The following PSMG2 variants were observed in gnomAD, a reference collection of about 807,000 sequenced individuals.
PSMG2 encodes the protein proteasome assembly chaperone 2.
PSMG2 carries 21 observed loss-of-function variants against 31.5 expected under a neutral mutation model. That is an observed-to-expected ratio of 0.67 (90% confidence interval 0.47 to 0.96). The LOEUF (loss-of-function observed/expected upper bound fraction) is 0.96, where lower values mean the gene tolerates loss of function less well. Ranked by LOEUF, PSMG2 falls within the 40% of genes least tolerant of loss-of-function variation. The pLI is 0.00. For synonymous variants in PSMG2, 120 were observed against 110.4 expected, an observed-to-expected ratio of 1.09 and a Z score of -0.54; for missense variants, 318 against 321.2, an observed-to-expected ratio of 0.99 and a Z score of 0.08.
intron 1 of PSMG2, among the ~76,000 whole-genome samples, chr18:12,695,548 G>A (rs1300340182): frequency 6.6e-6 from 1 of 151,948 alleles, no homozygotes; most frequent in Non-Finnish European, 1.5e-5. Context: ...TTAATTATAA[G>A]GAGATTATTT....
intron 6 of PSMG2, chr18:12,724,932 A>G (rs965085094): frequency 2.7e-6 from 1 of 368,656 alleles, no homozygotes; most frequent in African/African-American, 2.1e-5. Context: ...TGTGGAATTC[A>G]GGAATTTTTT....
intron 4 of PSMG2, among the ~76,000 whole-genome samples, chr18:12,720,307 G>A (rs926161198): frequency 1.3e-5 from 2 of 152,206 alleles, no homozygotes; most frequent in East Asian, 3.8e-4. Context: ...TTTGCAATGG[G>A]CTTGCCTAAG....
Position 12,720,691 on chromosome 18 carries a change from T to C in PSMG2, c.581+8T>C. On this transcript the variant is annotated splice_region_variant and intron_variant, in intron 5 of 6. Transcript: ENST00000317615. Reference sequence around the variant, plus strand: ...AACACTCTATGATGAAAGGTGAGTTTGTTTGCCTGTTCATTTGTTTCCCAC... The same window carrying C: ...AACACTCTATGATGAAAGGTGAGTTCGTTTGCCTGTTCATTTGTTTCCCAC... 2 of 1,603,814 alleles carry C rather than the reference T, an allele frequency of 1.2e-6. No individual in the cohort carries two copies. Among genetic ancestry groups the C allele is most frequent in the South Asian group, 2.2e-5 (2 of 89,760 alleles).
chr18:12,670,782 G>T (rs2038922754), intron 1 of PSMG2: 1 of 151,986 alleles, frequency 6.6e-6, no homozygotes, highest in Non-Finnish European at 1.5e-5. Context: ...CAAGCAGCTG[G>T]GACCACAGGT....
chr18:12,696,287 G>A (rs1175140727), intron 1 of PSMG2, among the ~76,000 whole-genome samples: 6 of 152,090 alleles, frequency 3.9e-5, no homozygotes, highest in East Asian at 1.9e-4. Context: ...GGCAGATCAC[G>A]AGGTCAAGAG....
Position 12,712,780 on chromosome 18 carries a change from C to G in PSMG2, c.288+20C>G. ...ATTAAGGTTAGTATGTTGTAGTTTG[C>G]CTTTTTGTTTATTAAAGTGTAATGA... On this transcript the variant is annotated intron_variant, in intron 3 of 6. Coordinates refer to ENST00000317615, the MANE Select transcript of PSMG2 (RefSeq NM_020232.5). 2 of 1,572,460 alleles carry G rather than the reference C, an allele frequency of 1.3e-6. No homozygotes were observed. The highest frequency in any genetic ancestry group is 1.7e-6 in the Non-Finnish European group (2 of 1,150,652).
At chr18:12,661,667 C>T (rs1414647126) in intron 1 of PSMG2, among the ~76,000 whole-genome samples, 1 of 151,824 alleles carries the variant, frequency 6.6e-6, no homozygotes, top group Non-Finnish European at 1.5e-5. Flanking sequence ...CCCAGCTACT[C>T]GGGAGGCTGA....
chr18:12,666,641 G>T (rs2038809962), intron 1 of PSMG2, among the ~76,000 whole-genome samples: 1 of 151,140 alleles, frequency 6.6e-6, no homozygotes, highest in South Asian at 2.1e-4. Context: ...GTAGAGACAG[G>T]GTTTCGCCAC....
chr18:12,679,347 G>T (rs2039264999), intron 1 of PSMG2: 1 of 152,260 alleles, frequency 6.6e-6, no homozygotes, highest in African/African-American at 2.4e-5. Context: ...GGAGGAGCTT[G>T]GCCCCTCCTC....
At chr18:12,666,703 C>T (rs1454019840) in intron 1 of PSMG2, among the ~76,000 whole-genome samples, 2 of 151,686 alleles carry the variant, frequency 1.3e-5, no homozygotes, top group African/African-American at 2.4e-5. Context: ...CCTGCCTTGG[C>T]CTCCTAAAGG....
chr18:12,667,504 G>A (rs2038826136), intron 1 of PSMG2, among the ~76,000 whole-genome samples: 1 of 152,160 alleles, frequency 6.6e-6, no homozygotes, highest in African/African-American at 2.4e-5. Context: ...GCTCATGCCT[G>A]CAATCCCAGC....
At chr18:12,672,531 A>G (rs192224483) in intron 1 of PSMG2, 61 of 356,766 alleles carry the variant, frequency 1.7e-4, no homozygotes, top group African/African-American at 1.4e-3. Context: ...TTAGTCACAT[A>G]TATGCTGATT....
intron 1 of PSMG2, among the ~76,000 whole-genome samples, chr18:12,669,005 C>T (rs2038869993): frequency 7.2e-6 from 1 of 139,094 alleles, no homozygotes; most frequent in African/African-American, 2.7e-5. Flanking sequence ...CTCCCAATTA[C>T]AGGCTTGAGC....
At chr18:12,702,416 G>A (rs772648012), upstream of PSMG2, 2 of 1,244,320 alleles carry the variant, frequency 1.6e-6, no homozygotes, top group South Asian at 1.2e-5. Flanking sequence ...CTGTCGGCCC[G>A]GGGCCGCCGG....
At chr18:12,658,952 A>G (rs1297814853) in intron 1 of PSMG2, 2 of 206,354 alleles carry the variant, frequency 9.7e-6, no homozygotes, top group East Asian at 2.9e-4. Context: ...CAAGTACCAC[A>G]CTCATCAGAG....
intron 1 of PSMG2, among the ~76,000 whole-genome samples, chr18:12,676,210 T>A (rs2039124196): frequency 6.6e-6 from 1 of 152,004 alleles, no homozygotes. Context: ...TACAGGCACC[T>A]TAACTTAAAT....
At chr18:12,696,115 T>C (rs1418159027) in intron 1 of PSMG2, among the ~76,000 whole-genome samples, 2 of 152,314 alleles carry the variant, frequency 1.3e-5, no homozygotes. Context: ...TGAAGACAAA[T>C]TGGGTATTGT....
chr18:12,674,464 T>TA (rs1332546252), intron 1 of PSMG2: 16 of 1,116,906 alleles, frequency 1.4e-5, no homozygotes, highest in Non-Finnish European at 1.8e-5. Flanking sequence ...AAAAGGAAAT[T>TA]AAAAAAACCC....
At chr18:12,689,617 TC>T (rs2039674390) in intron 1 of PSMG2, among the ~76,000 whole-genome samples, 1 of 152,164 alleles carries the variant, frequency 6.6e-6, no homozygotes, top group Non-Finnish European at 1.5e-5. Context: ...TTCCTTGACT[TC>T]CTTAGTGCAT....
Sources: gnomAD v4.1 joint callset for allele counts (sites outside exome capture counted in the v4.1 genomes callset) on GRCh38, gnomAD v4.1.1 for gene constraint, MANE v1.5 for transcripts, NCBI Gene and HGNC (gene_info 2026-07-23, HGNC 2026-07-21) for gene names.